The following COL28A1 variants were observed in gnomAD, a reference collection of about 807,000 sequenced individuals.
COL28A1 encodes the protein collagen alpha-1(XXVIII) chain.
In COL28A1, 161 loss-of-function variants were observed where a neutral mutation model predicts 150.2. The ratio of observed to expected loss-of-function variants is 1.07; its 90% CI spans 0.94 to 1.22. The LOEUF is 1.22. Among genes scored for constraint, COL28A1 ranks in the 50% most tolerant of loss-of-function variants. The pLI, the probability that COL28A1 is intolerant of heterozygous loss-of-function variation, is 0.00. For missense variants in COL28A1, 1,617 were observed against 1,388.3 expected (o/e 1.16, Z -2.62); for synonymous variants, 552 against 469.7 (o/e 1.18, Z -2.26).
chr7:7,376,597 A>T (rs1203184928), intron 30 of COL28A1, among the ~76,000 whole-genome samples: 4 of 152,132 alleles, frequency 2.6e-5, no homozygotes, highest in Non-Finnish European at 5.9e-5. Context: ...AAAGGCATTT[A>T]AAAAAATCCG....
chr7:7,478,197 G>C (rs1789083716), intron 13 of COL28A1, among the ~76,000 whole-genome samples: 1 of 152,174 alleles, frequency 6.6e-6, no homozygotes, highest in South Asian at 2.1e-4. Context: ...TAGACACAGA[G>C]TGCTGATTGG....
intron 9 of COL28A1, among the ~76,000 whole-genome samples, chr7:7,510,431 C>A (rs1349189572): frequency 6.6e-6 from 1 of 152,106 alleles, no homozygotes; most frequent in Non-Finnish European, 1.5e-5. Flanking sequence ...ACTACAGGTG[C>A]ACGCCACCAT....
In COL28A1 at chr7:7,372,965, T is replaced by C. The variant is rs556671634; in HGVS notation, c.2908+33A>G. The C allele has an allele frequency of 2.1e-5, 33 of 1,575,890 alleles. 1 individual carries two copies. The South Asian group carries it at 3.4e-4, about 16-fold the overall frequency. On this transcript the variant is annotated intron_variant, in intron 32 of 34. Transcript: ENST00000399429. Reference sequence around the variant, plus strand: ...ATGGTACTTAGAGGAACAACATAAATGCCTTTCCCCTGGGCCAGATAGCCT... The same window carrying C: ...ATGGTACTTAGAGGAACAACATAAACGCCTTTCCCCTGGGCCAGATAGCCT...
chr7:7,538,587 G>A (rs1562983003), upstream of COL28A1, among the ~76,000 whole-genome samples: 1 of 152,070 alleles, frequency 6.6e-6, no homozygotes, highest in Admixed American at 6.6e-5. Context: ...AGTAGCATCT[G>A]CATTGTGTTT....
intron 18 of COL28A1, among the ~76,000 whole-genome samples, chr7:7,448,715 A>G (rs947452802): frequency 8.5e-5 from 13 of 152,082 alleles, no homozygotes; most frequent in Admixed American, 2.0e-4. Context: ...ATTTATACAC[A>G]GGTGAATGGA....
Position 7,383,186 on chromosome 7 carries a change from T to G in COL28A1, c.2137-1574A>C, listed in dbSNP as rs146775550. On this transcript the variant is annotated intron_variant, in intron 27 of 34. Transcript: ENST00000399429. ...AAAAAATCTCTATCTGAAATTCATA[T>G]TTATCATTCATATCCATGTTTTTAT... 6.1e-3 allele frequency among the ~76,000 whole-genome samples: 922 copies of G among 152,166 alleles called. 32 individuals are homozygous for G. Among genetic ancestry groups the G allele is most frequent in the Admixed American group, 0.051 (785 of 15,280 alleles).
intron 27 of COL28A1, among the ~76,000 whole-genome samples, chr7:7,406,656 T>C (rs747493826): frequency 1.3e-5 from 2 of 152,022 alleles, no homozygotes; most frequent in Admixed American, 1.3e-4. Context: ...GCTAATACTG[T>C]CATAAAGAGA....
rs752948914 is a variant in COL28A1 at position 7,532,749 on chromosome 7, T to TA, written c.124+2dup. On this transcript the variant is annotated splice_region_variant and intron_variant, in intron 2 of 34. Transcript: ENST00000399429. ...TAAAAACAAACAATTTTTTTTTTTT[T>TA]ACCCTGGACATCACTTTTCCTTGCA... 6.3e-7 allele frequency: 1 copy of TA among 1,590,120 alleles called. No homozygotes were observed. Among genetic ancestry groups the TA allele is most frequent in the Non-Finnish European group, 8.5e-7 (1 of 1,173,810 alleles).
the COL28A1 span, among the ~76,000 whole-genome samples, chr7:7,349,016 G>A: frequency 6.6e-6 from 1 of 152,068 alleles, no homozygotes; most frequent in Non-Finnish European, 1.5e-5. Context: ...AAATAGCTGA[G>A]ATTATAGGCA....
At chr7:7,485,576 A>G (rs1779583382) in intron 13 of COL28A1, among the ~76,000 whole-genome samples, 1 of 152,162 alleles carries the variant, frequency 6.6e-6, no homozygotes, top group Non-Finnish European at 1.5e-5. Context: ...GTTTTATTCT[A>G]AAAGTTTTAT....
chr7:7,541,498 T>G, the COL28A1 span, among the ~76,000 whole-genome samples: 441 of 152,338 alleles, frequency 2.9e-3, no homozygotes, highest in African/African-American at 0.01. Flanking sequence ...TTATTCTAAT[T>G]GACCAAATTC....
chr7:7,456,201 A>G, intron 15 of COL28A1, 89 bp from the exon 16 acceptor site: 1 of 1,484,506 alleles, frequency 6.7e-7, no homozygotes, highest in Non-Finnish European at 9.0e-7. Flanking sequence ...CTGTGTTAAA[A>G]TCTATCTTTA....
downstream of COL28A1, among the ~76,000 whole-genome samples, chr7:7,352,360 C>G (rs73676836): frequency 1.3e-5 from 2 of 152,156 alleles, no homozygotes; most frequent in Non-Finnish European, 2.9e-5. Flanking sequence ...GAGATGTCTG[C>G]TCCCCAATCT....
At position 7,459,781 on chromosome 7, in the gene COL28A1, C is replaced by A. The variant is rs182785752; in HGVS notation, c.1303-3669G>T. 4.6e-4 allele frequency among the ~76,000 whole-genome samples: 70 copies of A among 152,258 alleles called. 1 individual carries two copies. The highest frequency in any genetic ancestry group is 1.6e-3 in the African/African-American group (68 of 41,560). On this transcript the variant is annotated intron_variant, in intron 15 of 34. Transcript: ENST00000399429. ...GCTGACCTGACCCTGGCAAGTAGGC[C>A]GTGGTGTCAAACATGAACAATTTGA... is the stretch of plus-strand genomic sequence containing the variant.
intron 27 of COL28A1, among the ~76,000 whole-genome samples, chr7:7,396,947 C>T (rs1430588993): frequency 6.6e-6 from 1 of 152,186 alleles, no homozygotes; most frequent in Non-Finnish European, 1.5e-5. Flanking sequence ...ATAACCTAAG[C>T]ACTGTCAGCC....
chr7:7,374,328 A>G (rs1781431560), intron 31 of COL28A1, among the ~76,000 whole-genome samples: 1 of 152,048 alleles, frequency 6.6e-6, no homozygotes, highest in African/African-American at 2.4e-5. Context: ...AGGCTGGCCA[A>G]TGGATGAAGT....
At chr7:7,368,087 TCTC>T (rs1255209499) in intron 33 of COL28A1, among the ~76,000 whole-genome samples, 1 of 151,994 alleles carries the variant, frequency 6.6e-6, no homozygotes, top group African/African-American at 2.4e-5. Context: ...CAGCCTCCAG[TCTC>T]CTCACCTCCT....
chr7:7,381,021 T>G (rs146809174), intron 28 of COL28A1, among the ~76,000 whole-genome samples, 159 bp from the exon 29 acceptor site: 3 of 152,160 alleles, frequency 2.0e-5, no homozygotes, highest in Non-Finnish European at 4.4e-5. Flanking sequence ...GGGTAACTTA[T>G]TTACATCCCA....
At chr7:7,383,709 T>G (rs1782022454) in intron 27 of COL28A1, among the ~76,000 whole-genome samples, 1 of 147,122 alleles carries the variant, frequency 6.8e-6, no homozygotes. Flanking sequence ...TATATGTATA[T>G]GAGATTCTAA....
Sources: allele counts gnomAD v4.1 joint callset (sites outside exome capture counted in the v4.1 genomes callset), GRCh38; gene constraint gnomAD v4.1.1; transcripts MANE v1.5; gene names NCBI Gene and HGNC (gene_info 2026-07-23, HGNC 2026-07-21).